The following PKD1L1 variants were observed in gnomAD, a reference collection of about 807,000 sequenced individuals.
PKD1L1 encodes the protein polycystin 1 like 1, transient receptor potential channel interacting, also known as polycystin-1-like protein 1.
Under a neutral mutation model 323.4 loss-of-function variants are expected in PKD1L1, and 236 were observed. The observed-to-expected ratio is 0.73, with a 90% CI of 0.66 to 0.81. The LOEUF (loss-of-function observed/expected upper bound fraction) is 0.81. Ranked by LOEUF, PKD1L1 falls within the 40% of genes least tolerant of loss-of-function variation. PKD1L1 has a pLI of 0.00. For synonymous variants in PKD1L1, 1,344 were observed against 1,335.0 expected (o/e 1.01, Z -0.15); for missense variants, 3,320 against 3,508.0 (o/e 0.95, Z 1.35).
intron 22 of PKD1L1, among the ~76,000 whole-genome samples, chr7:47,877,225 G>A (rs968308537): frequency 3.3e-5 from 5 of 152,118 alleles, no homozygotes; most frequent in Non-Finnish European, 5.9e-5. Flanking sequence ...CAGGCTGCAG[G>A]GCAGACGACT....
In PKD1L1 at chr7:47,857,753, A is replaced by T; in HGVS notation, c.4442T>A (p.Val1481Asp). 6.2e-7 allele frequency: 1 copy of T among 1,613,974 alleles called. No individual in the cohort carries two copies. Among genetic ancestry groups the T allele is most frequent in the Non-Finnish European group, 8.5e-7 (1 of 1,179,966 alleles). The change falls in exon 28 of 57, where the codon GTC becomes GAC. Residue 1481 changes from valine to aspartate, a missense_variant. Val to Asp is a radical substitution (Grantham distance 152). Coordinates refer to ENST00000289672, the MANE Select transcript of PKD1L1 (RefSeq NM_138295.5). ...TLLHYNLQSS[V>D]QSLGSVQVHL... is the part of the protein sequence containing the mutation. ...CACCTGGACAGATCCCAGGCTCTGG[A>T]CAGAGCTCTGAAGGTTGTAATGAAG...
chr7:47,795,783 G>A (rs935156470), intron 55 of PKD1L1, among the ~76,000 whole-genome samples: 6 of 152,202 alleles, frequency 3.9e-5, no homozygotes, highest in Non-Finnish European at 7.4e-5. Context: ...GCAGGAGAAT[G>A]TGCTTGGTAA....
At chr7:47,777,288 T>C (rs953445170) in intron 56 of PKD1L1, among the ~76,000 whole-genome samples, 1 of 152,178 alleles carries the variant, frequency 6.6e-6, no homozygotes, top group Non-Finnish European at 1.5e-5. Context: ...TGAGGGAAAA[T>C]ATTCTTGGGG....
chr7:47,948,686 G>A (rs1342521145), upstream of PKD1L1, among the ~76,000 whole-genome samples: 1 of 152,166 alleles, frequency 6.6e-6, no homozygotes. Context: ...TGACAGACGT[G>A]GTGGCTCATG....
chr7:47,833,563 A>C (rs1785393594), intron 40 of PKD1L1, among the ~76,000 whole-genome samples: 1 of 152,152 alleles, frequency 6.6e-6, no homozygotes, highest in Non-Finnish European at 1.5e-5. Context: ...GAATCCAGCC[A>C]AGAGCAACGG....
At chr7:47,853,669 G>T (rs192756745) in intron 30 of PKD1L1, among the ~76,000 whole-genome samples, 224 of 151,660 alleles carry the variant, frequency 1.5e-3, no homozygotes, top group South Asian at 3.3e-3. Flanking sequence ...CTTGAACCCG[G>T]GAGGCAGAGG....
intron 28 of PKD1L1, among the ~76,000 whole-genome samples, chr7:47,856,390 G>A (rs1199739407): frequency 6.6e-6 from 1 of 152,120 alleles, no homozygotes; most frequent in Non-Finnish European, 1.5e-5. Context: ...TTCCCTGATT[G>A]ACATAATAAC....
intron 46 of PKD1L1, among the ~76,000 whole-genome samples, chr7:47,816,523 TTC>T (rs1450042491): frequency 6.6e-6 from 1 of 152,130 alleles, no homozygotes; most frequent in Non-Finnish European, 1.5e-5. Flanking sequence ...CTAAAAAACT[TTC>T]TCATACATAG....
chr7:47,880,282 A>ATTTTTTT (rs1309864473), intron 21 of PKD1L1, among the ~76,000 whole-genome samples: 7 of 69,720 alleles, frequency 1.0e-4, no homozygotes, highest in African/African-American at 4.0e-4. Flanking sequence ...ATATATATAT[A>ATTTTTTT]TATTTTTTTT....
intron 56 of PKD1L1, among the ~76,000 whole-genome samples, chr7:47,784,862 A>C (rs370421606): frequency 2.0e-5 from 3 of 152,148 alleles, no homozygotes; most frequent in African/African-American, 7.2e-5. Context: ...GTACTCAGCT[A>C]CCCTTTCCAG....
intron 56 of PKD1L1, among the ~76,000 whole-genome samples, chr7:47,778,290 T>C (rs1348721778): frequency 6.6e-6 from 1 of 152,026 alleles, no homozygotes; most frequent in Non-Finnish European, 1.5e-5. Context: ...GTGTGAGAGA[T>C]TATCGTGTGG....
At chr7:47,842,876 CG>C (rs1785590320) in intron 34 of PKD1L1, 85 bp downstream of exon 34, 2 of 1,282,580 alleles carry the variant, frequency 1.6e-6, no homozygotes, top group Admixed American at 2.4e-5. Context: ...AGGTGACAGA[CG>C]GGGCAGCCAA....
Position 47,876,219 on chromosome 7 carries a change from T to A in PKD1L1, c.3664-2A>T, listed in dbSNP as rs1786400758. The A allele has an allele frequency of 1.9e-6, 3 of 1,613,754 alleles. No homozygotes were observed. Among genetic ancestry groups the A allele is most frequent in the Non-Finnish European group, 2.5e-6 (3 of 1,179,834 alleles). On this transcript the variant is annotated splice_acceptor_variant, in intron 22 of 56. Transcript: ENST00000289672. LOFTEE classifies it high-confidence loss of function. The stretch of plus-strand genomic sequence containing the variant: ...GTAACTAAATTCATAATGGAAGTCC[T>A]ATGATCCAGTCCAAGGGAGCAAAAA...
At chr7:47,832,886 G>A (rs1228920541) in intron 41 of PKD1L1, among the ~76,000 whole-genome samples, 2 of 152,248 alleles carry the variant, frequency 1.3e-5, no homozygotes, top group African/African-American at 2.4e-5. Flanking sequence ...CCAAACTTAC[G>A]TTAAGTACCT....
chr7:47,947,963 G>A (rs757999328), intron 1 of PKD1L1, among the ~76,000 whole-genome samples: 15 of 151,852 alleles, frequency 9.9e-5, no homozygotes, highest in East Asian at 1.9e-4. Flanking sequence ...GAGAGACTCC[G>A]TCTCAAAAAA....
upstream of PKD1L1, among the ~76,000 whole-genome samples, chr7:47,950,770 T>G (rs954201298): frequency 1.2e-4 from 18 of 152,062 alleles, no homozygotes; most frequent in African/African-American, 3.9e-4. Context: ...AAGGGCTCAG[T>G]AGCCAAGATA....
At chr7:47,947,859 T>C (rs913250183) in intron 1 of PKD1L1, among the ~76,000 whole-genome samples, 9 of 151,872 alleles carry the variant, frequency 5.9e-5, no homozygotes, top group African/African-American at 2.2e-4. Flanking sequence ...CCCAGCTACT[T>C]GGGAGGCTGA....
intron 56 of PKD1L1, among the ~76,000 whole-genome samples, chr7:47,777,726 C>G (rs1055443148): frequency 6.6e-6 from 1 of 152,156 alleles, no homozygotes; most frequent in South Asian, 2.1e-4. Context: ...AAAACAGGAT[C>G]CAGGTTTATT....
chr7:47,803,821 C>T (rs995231765), intron 52 of PKD1L1, among the ~76,000 whole-genome samples: 2 of 152,150 alleles, frequency 1.3e-5, no homozygotes, highest in African/African-American at 2.4e-5. Flanking sequence ...CTTGCAAATA[C>T]GGGAGGCACT....
Sources: gnomAD v4.1 joint callset for allele counts (sites outside exome capture counted in the v4.1 genomes callset) on GRCh38, gnomAD v4.1.1 for gene constraint, MANE v1.5 for transcripts, NCBI Gene and HGNC (gene_info 2026-07-23, HGNC 2026-07-21) for gene names.